The following TNRC6B variants were observed in gnomAD, a reference collection of about 807,000 sequenced individuals.
TNRC6B encodes the protein trinucleotide repeat containing adaptor 6B, also known as trinucleotide repeat-containing gene 6B protein.
Under a neutral mutation model 203.6 loss-of-function variants are expected in TNRC6B, and 52 were observed. The ratio of observed to expected loss-of-function variants is 0.26; its 90% CI spans 0.20 to 0.32. The LOEUF is 0.32. TNRC6B is among the 10% of genes least tolerant of loss of function. TNRC6B has a pLI of 1.00. For synonymous variants in TNRC6B, 838 were observed against 845.7 expected (o/e 0.99, Z 0.16); for missense variants, 1,923 against 2,286.2 (o/e 0.84, Z 3.24).
At chr22:40,153,681 G>A (rs2068782382) in intron 3 of TNRC6B, among the ~76,000 whole-genome samples, 1 of 151,672 alleles carries the variant, frequency 6.6e-6, no homozygotes, top group Admixed American at 6.6e-5. Context: ...CTACATAATA[G>A]CACTGTTAGC....
At chr22:40,060,141 TTTC>T (rs928462401) in intron 1 of TNRC6B, among the ~76,000 whole-genome samples, 3 of 149,670 alleles carry the variant, frequency 2.0e-5, no homozygotes, top group African/African-American at 5.0e-5. Context: ...TCATTTTTTT[TTTC>T]TTTTTTTTTT....
chr22:40,088,263 C>T (rs1488504964), intron 1 of TNRC6B, among the ~76,000 whole-genome samples: 1 of 152,166 alleles, frequency 6.6e-6, no homozygotes, highest in African/African-American at 2.4e-5. Context: ...TCAAGGCCAG[C>T]TAATAGGTGG....
chr22:40,071,858 A>C (rs1045973054), intron 1 of TNRC6B, among the ~76,000 whole-genome samples: 1 of 152,152 alleles, frequency 6.6e-6, no homozygotes, highest in Non-Finnish European at 1.5e-5. Context: ...TGTTAATTAA[A>C]TACTTTTTGT....
intron 1 of TNRC6B, among the ~76,000 whole-genome samples, chr22:40,103,102 TA>T (rs2068253935): frequency 2.0e-5 from 3 of 151,208 alleles, no homozygotes; most frequent in African/African-American, 7.3e-5. Flanking sequence ...AATAAATAAA[TA>T]AATTAATTAA....
At chr22:40,209,268 C>G in intron 1 of TNRC6B, among the ~76,000 whole-genome samples, 1 of 145,678 alleles carries the variant, frequency 6.9e-6, no homozygotes, top group South Asian at 2.2e-4. Flanking sequence ...TACCTGCCCC[C>G]TTTCTACCAA....
rs916864556 is a variant in TNRC6B, at chr22:40,335,042, T to C, written c.*11801T>C. 1.3e-5 allele frequency: 2 copies of C among 152,440 alleles called. No homozygotes were observed. The highest frequency in any genetic ancestry group is 2.9e-5 in the Non-Finnish European group (2 of 68,012). The allele number at this position is 152,440 out of a possible 1,614,324, so 9.4% of individuals were successfully genotyped here. Reference sequence around the variant, plus strand: ...TTAAGTGTTTTTTTTTTCTTATACTTGAAGTTGCTTTTACGATATTATTTT... The same window carrying C: ...TTAAGTGTTTTTTTTTTCTTATACTCGAAGTTGCTTTTACGATATTATTTT... On this transcript the variant is annotated 3_prime_UTR_variant, in exon 23 of 23. Coordinates refer to ENST00000454349, the MANE Select transcript of TNRC6B (RefSeq NM_001162501.2).
chr22:40,213,501 C>T (rs2069592249), intron 1 of TNRC6B, among the ~76,000 whole-genome samples: 1 of 152,136 alleles, frequency 6.6e-6, no homozygotes, highest in Admixed American at 6.6e-5. Context: ...CACGGGAAGC[C>T]ACTGAGGGAT....
rs139399519 is a variant in TNRC6B, at chr22:40,216,053, C to T, written c.6-29962C>T. ...AAGCCTGGTCTCATCTCACACTTCG[C>T]TTCCCTTCATCTTTGTGATGCAGCC... On this transcript the variant is annotated intron_variant, in intron 1 of 22. Transcript: ENST00000454349. 3.6e-3 allele frequency among the ~76,000 whole-genome samples: 545 copies of T among 152,352 alleles called. 4 individuals are homozygous for T. The highest frequency in any genetic ancestry group is 6.8e-3 in the Middle Eastern group (2 of 294).
intron 1 of TNRC6B, among the ~76,000 whole-genome samples, chr22:40,091,116 G>A (rs1241098999): frequency 1.3e-5 from 2 of 152,010 alleles, no homozygotes; most frequent in African/African-American, 4.8e-5. Flanking sequence ...TGAATAGCTG[G>A]GACTACAGGC....
chr22:40,239,980 G>A (rs767182120), intron 1 of TNRC6B, among the ~76,000 whole-genome samples: 53 of 152,044 alleles, frequency 3.5e-4, no homozygotes, highest in African/African-American at 1.2e-3. Flanking sequence ...TGGGTAGCCC[G>A]CCACCATGCC....
At chr22:40,173,460 CA>C (rs1185772087), upstream of TNRC6B, among the ~76,000 whole-genome samples, 1 of 148,450 alleles carries the variant, frequency 6.7e-6, no homozygotes, top group African/African-American at 2.5e-5. Flanking sequence ...ATATCTGTGC[CA>C]AAAACAACAA....
At chr22:40,273,750 T>C in intron 7 of TNRC6B, 150 bp downstream of exon 7, 1 of 814,584 alleles carries the variant, frequency 1.2e-6, no homozygotes. Context: ...CTGAGCAACC[T>C]CCTGGGCTCA....
intron 3 of TNRC6B, among the ~76,000 whole-genome samples, chr22:40,154,860 A>AAAAAAATAT (rs1555885936): frequency 4.2e-5 from 1 of 23,586 alleles, no homozygotes; most frequent in Non-Finnish European, 6.2e-5. Flanking sequence ...AAAAAAAAAA[A>AAAAAAATAT]ATATATATAT....
At chr22:40,147,934 GA>G (rs368375686) in intron 3 of TNRC6B, among the ~76,000 whole-genome samples, 2 of 152,304 alleles carry the variant, frequency 1.3e-5, no homozygotes, top group East Asian at 1.9e-4. Context: ...TTGGAATGAT[GA>G]AAAAGTTCTA....
At chr22:40,216,051 C>A (rs973904143) in intron 1 of TNRC6B, among the ~76,000 whole-genome samples, 1 of 152,232 alleles carries the variant, frequency 6.6e-6, no homozygotes, top group African/African-American at 2.4e-5. Flanking sequence ...TCTCACACTT[C>A]GCTTCCCTTC....
chr22:40,291,917 G>A (rs1209569032), intron 12 of TNRC6B, among the ~76,000 whole-genome samples: 1 of 152,230 alleles, frequency 6.6e-6, no homozygotes, highest in Non-Finnish European at 1.5e-5. Flanking sequence ...CTGAGGCCGG[G>A]CTCAGTGGCC....
At chr22:40,208,950 A>G (rs1264110835) in intron 1 of TNRC6B, among the ~76,000 whole-genome samples, 5 of 152,232 alleles carry the variant, frequency 3.3e-5, no homozygotes, top group African/African-American at 4.8e-5. Context: ...CTCTGTAGAC[A>G]TGACAGTGTA....
chr22:40,257,697 CAA>C (rs1375523881), intron 3 of TNRC6B, among the ~76,000 whole-genome samples: 1 of 150,832 alleles, frequency 6.6e-6, no homozygotes, highest in Non-Finnish European at 1.5e-5. Context: ...GCCTGGGCAA[CAA>C]GAGCGAAACT....
intron 1 of TNRC6B, among the ~76,000 whole-genome samples, chr22:40,101,109 C>G (rs1311164452): frequency 6.6e-6 from 1 of 152,006 alleles, no homozygotes; most frequent in East Asian, 1.9e-4. Flanking sequence ...TCTCCTGCCT[C>G]AACCTCCCGA....
Sources: gnomAD v4.1 joint callset for allele counts (sites outside exome capture counted in the v4.1 genomes callset) on GRCh38, gnomAD v4.1.1 for gene constraint, MANE v1.5 for transcripts, NCBI Gene and HGNC (gene_info 2026-07-23, HGNC 2026-07-21) for gene names.